The following GPC3 variants were observed in gnomAD, a reference collection of about 807,000 sequenced individuals.
GPC3 encodes glypican-3.
In GPC3, 3 loss-of-function variants were observed where a neutral mutation model predicts 34.4. The observed-to-expected ratio is 0.09, with a 90% CI of 0.04 to 0.23. GPC3 has a LOEUF of 0.23. GPC3 is among the 10% of genes least tolerant of loss of function. GPC3 has a pLI of 1.00. For missense variants in GPC3, 351 were observed against 445.6 expected (o/e 0.79, Z 1.91); for synonymous variants, 177 against 174.0 (o/e 1.02, Z -0.13).
chrX:133,661,554 G>A (rs1215030307), intron 6 of GPC3, among the ~76,000 whole-genome samples, 176 bp downstream of exon 6: 2 of 81,080 alleles, frequency 2.5e-5, no homozygotes, highest in Non-Finnish European at 4.4e-5. Context: ...AGTGGAAGCT[G>A]GCTATATCTC....
intron 6 of GPC3, among the ~76,000 whole-genome samples, chrX:133,647,338 G>A (rs1405112622): frequency 3.6e-5 from 4 of 112,479 alleles, no homozygotes; most frequent in African/African-American, 1.3e-4. Context: ...CGAGACATCC[G>A]CTCTGTCTTC....
chrX:133,840,931 AT>A (rs1422841519), intron 2 of GPC3, among the ~76,000 whole-genome samples: 1 of 111,655 alleles, frequency 9.0e-6, no homozygotes, highest in African/African-American at 3.3e-5. Flanking sequence ...ACTCTCAGGC[AT>A]CTTTTCTGGT....
At chrX:133,895,476 C>T (rs2076107302) in intron 2 of GPC3, among the ~76,000 whole-genome samples, 2 of 111,394 alleles carry the variant, frequency 1.8e-5, no homozygotes, top group South Asian at 3.8e-4. Flanking sequence ...GAATGCGATT[C>T]TGAGTATCCC....
At chrX:133,877,390 G>A (rs1261011280) in intron 2 of GPC3, among the ~76,000 whole-genome samples, 1 of 111,722 alleles carries the variant, frequency 9.0e-6, no homozygotes, top group African/African-American at 3.2e-5. Context: ...TGTGACCTTA[G>A]ACAAGTCTTG....
At chrX:133,754,385 T>C (rs1339187167) in intron 2 of GPC3, among the ~76,000 whole-genome samples, 1 of 111,703 alleles carries the variant, frequency 9.0e-6, no homozygotes, top group African/African-American at 3.3e-5. Context: ...GAACATGAAG[T>C]CCAGATTCTG....
At chrX:133,936,728 T>G (rs935221782) in intron 2 of GPC3, among the ~76,000 whole-genome samples, 1 of 112,443 alleles carries the variant, frequency 8.9e-6, no homozygotes, top group Non-Finnish European at 1.9e-5. Flanking sequence ...GATATATTTG[T>G]GACTTAGCCA....
chrX:133,783,380 C>T (rs919578812), intron 2 of GPC3, among the ~76,000 whole-genome samples: 3 of 111,864 alleles, frequency 2.7e-5, no homozygotes, highest in East Asian at 5.6e-4. Context: ...CAGGTATCCT[C>T]GGGCAAATGA....
intron 2 of GPC3, among the ~76,000 whole-genome samples, chrX:133,857,303 T>C (rs1424685688): frequency 8.9e-6 from 1 of 112,630 alleles, no homozygotes; most frequent in Non-Finnish European, 1.9e-5. Flanking sequence ...GATTAACCAG[T>C]TTCTCTTAAA....
intron 5 of GPC3, among the ~76,000 whole-genome samples, chrX:133,690,281 A>G (rs1032075022): frequency 4.5e-5 from 5 of 111,427 alleles, no homozygotes; most frequent in Admixed American, 1.9e-4. Flanking sequence ...GTGAAGGGGA[A>G]AGGGGGAAAA....
intron 2 of GPC3, among the ~76,000 whole-genome samples, chrX:133,799,315 C>T (rs2124517956): frequency 9.0e-6 from 1 of 111,510 alleles, no homozygotes; most frequent in Non-Finnish European, 1.9e-5. Context: ...TCCTCTGAGC[C>T]CAGGAGGCAG....
At chrX:133,744,115 T>C (rs1269150078) in intron 3 of GPC3, among the ~76,000 whole-genome samples, 1 of 111,910 alleles carries the variant, frequency 8.9e-6, no homozygotes, top group Non-Finnish European at 1.9e-5. Context: ...AAAGACTTAA[T>C]GACTAAAACA....
At chrX:133,849,710 G>C (rs1389852184) in intron 2 of GPC3, among the ~76,000 whole-genome samples, 1 of 111,312 alleles carries the variant, frequency 9.0e-6, no homozygotes, top group East Asian at 2.8e-4. Context: ...GTCCTCACCT[G>C]ATCTCCCTGC....
intron 1 of GPC3, among the ~76,000 whole-genome samples, chrX:133,975,454 G>A (rs775827720): frequency 3.3e-4 from 37 of 110,609 alleles, no homozygotes; most frequent in Non-Finnish European, 6.6e-4. Context: ...TTGAGACAGG[G>A]TCTCTCTCTG....
At chrX:133,943,532 C>A (rs1237397590) in intron 2 of GPC3, among the ~76,000 whole-genome samples, 2 of 112,366 alleles carry the variant, frequency 1.8e-5, no homozygotes, top group East Asian at 5.5e-4. Flanking sequence ...TTACCAAACT[C>A]TCCTAGTTTT....
Position 133,945,744 on chromosome X carries a change from A to G in GPC3, c.337+7306T>C, listed in dbSNP as rs1337913835. ...ACTCCAGCCTGGGTGACAGAGAGAG[A>G]CTCCGTCTCAAAAAAAAAAAAAGAA... On this transcript the variant is annotated intron_variant, in intron 2 of 7. Transcript: ENST00000370818. 5.7e-5 allele frequency among the ~76,000 whole-genome samples: 6 copies of G among 105,289 alleles called. No homozygotes were observed. In the Admixed American group the frequency reaches 6.2e-4, roughly 11 times the overall value. The allele number at this position is 105,289 out of a possible 115,157, so 91.4% of individuals were successfully genotyped here. A position where few individuals can be genotyped will look rare whatever the true frequency, so the allele number is the denominator to read the frequency against.
chrX:133,543,143 C>T (rs1381354164), intron 7 of GPC3, among the ~76,000 whole-genome samples: 1 of 110,165 alleles, frequency 9.1e-6, no homozygotes, highest in Non-Finnish European at 1.9e-5. Context: ...TTTTTTTAGA[C>T]AGTCTCGCCG....
At chrX:133,801,035 C>T (rs981380629) in intron 2 of GPC3, among the ~76,000 whole-genome samples, 1 of 111,949 alleles carries the variant, frequency 8.9e-6, no homozygotes, top group Admixed American at 9.5e-5. Flanking sequence ...AAGCAACTAA[C>T]AGAATAAACA....
intron 3 of GPC3, among the ~76,000 whole-genome samples, chrX:133,730,999 G>A (rs1484706443): frequency 8.9e-6 from 1 of 112,075 alleles, no homozygotes; most frequent in Admixed American, 9.5e-5. Context: ...ACTTCTAAAT[G>A]GAAAGTAAAG....
chrX:133,572,361 T>A (rs1325311114), intron 7 of GPC3, among the ~76,000 whole-genome samples: 1 of 111,661 alleles, frequency 9.0e-6, no homozygotes, highest in Admixed American at 9.5e-5. Flanking sequence ...GGAAAATTTA[T>A]GGCTATGATC....
Sources: gnomAD v4.1 joint callset for allele counts (sites outside exome capture counted in the v4.1 genomes callset) on GRCh38, gnomAD v4.1.1 for gene constraint, MANE v1.5 for transcripts, NCBI Gene and HGNC (gene_info 2026-07-23, HGNC 2026-07-21) for gene names.